Variants in APBA2 observed in about 807,000 individuals in gnomAD.
The protein encoded by APBA2 is amyloid-beta A4 precursor protein-binding family A member 2.
A neutral mutation model predicts 75.0 loss-of-function variants in APBA2; 30 were observed. The observed-to-expected ratio is 0.40, with a 90% CI of 0.30 to 0.54. The LOEUF (loss-of-function observed/expected upper bound fraction) is 0.54. APBA2 is among the 20% of genes least tolerant of loss of function. The pLI is 0.49. For missense variants in APBA2, 801 were observed against 1,016.1 expected (o/e 0.79, Z 2.88); for synonymous variants, 444 against 409.6 (o/e 1.08, Z -1.01).
chr15:29,112,792 A>C (rs2152982035), intron 13 of APBA2, among the ~76,000 whole-genome samples: 1 of 152,282 alleles, frequency 6.6e-6, no homozygotes, highest in South Asian at 2.1e-4. Flanking sequence ...AGCCATGGCC[A>C]CTGCGCTCTC....
chr15:29,048,985 C>T (rs574666393), intron 3 of APBA2, among the ~76,000 whole-genome samples: 1 of 152,014 alleles, frequency 6.6e-6, no homozygotes, highest in East Asian at 1.9e-4. Context: ...GCAGGGTGAC[C>T]AGCCATCCCA....
At chr15:29,008,667 T>G (rs1009815710) in intron 3 of APBA2, among the ~76,000 whole-genome samples, 2 of 152,120 alleles carry the variant, frequency 1.3e-5, no homozygotes, top group Admixed American at 1.3e-4. Flanking sequence ...TGTGATCATA[T>G]CACTGCATTC....
intron 4 of APBA2, among the ~76,000 whole-genome samples, chr15:29,061,798 G>GA (rs1289790778): frequency 6.6e-6 from 1 of 152,196 alleles, no homozygotes; most frequent in Non-Finnish European, 1.5e-5. Flanking sequence ...TGTGTGTTCT[G>GA]AGCCACGGCC....
At chr15:29,081,276 C>T (rs920876536) in intron 6 of APBA2, among the ~76,000 whole-genome samples, 11 of 152,084 alleles carry the variant, frequency 7.2e-5, no homozygotes, top group South Asian at 2.1e-4. Context: ...GGGGGATGGA[C>T]GGGAGGAAGG....
chr15:28,923,366 C>A (rs192628053), intron 2 of APBA2, among the ~76,000 whole-genome samples: 10 of 152,186 alleles, frequency 6.6e-5, no homozygotes, highest in African/African-American at 2.2e-4. Context: ...TGGTTGAACT[C>A]GTAGATTTCC....
chr15:29,031,565 G>T (rs1202428677), intron 3 of APBA2, among the ~76,000 whole-genome samples: 1 of 152,082 alleles, frequency 6.6e-6, no homozygotes, highest in Non-Finnish European at 1.5e-5. Flanking sequence ...TGCCTCCCCG[G>T]TTCAAGTGAT....
intron 2 of APBA2, among the ~76,000 whole-genome samples, chr15:28,939,099 A>T (rs918855757): frequency 1.3e-5 from 2 of 152,172 alleles, no homozygotes; most frequent in African/African-American, 4.8e-5. Context: ...ATGTAAGTGG[A>T]ATCGTGCAGT....
intron 1 of APBA2, among the ~76,000 whole-genome samples, chr15:28,900,696 G>A (rs191321552): frequency 3.9e-5 from 6 of 152,188 alleles, no homozygotes; most frequent in Admixed American, 2.0e-4. Context: ...TAGCCTGGGC[G>A]GCGCCCCTGT....
At chr15:29,101,237 CT>C (rs2044104945) in intron 9 of APBA2, among the ~76,000 whole-genome samples, 1 of 138,704 alleles carries the variant, frequency 7.2e-6, no homozygotes, top group Admixed American at 7.2e-5. Context: ...TTTTTCCTTT[CT>C]TTTTTTTTGA....
chr15:28,968,095 G>A (rs146417677), intron 2 of APBA2, among the ~76,000 whole-genome samples: 3 of 152,344 alleles, frequency 2.0e-5, no homozygotes, highest in African/African-American at 4.8e-5. Context: ...TTCTCGCAAC[G>A]TTGTAGTAAG....
In APBA2 at chr15:29,108,313, G is replaced by T; in HGVS notation, c.1961G>T (p.Cys654Phe). ...CAGGTGAAGCTCAACATTGTCAGCT[G>T]TCCCCCGGTCACCACGGTCCTTATC... ...QTQVKLNIVS[C>F]PPVTTVLIKR... Residue 654 changes from cysteine to phenylalanine, a missense_variant, in exon 13 of 15, where the codon TGT becomes TTT. Cys to Phe is a radical substitution (Grantham distance 205). Transcript: ENST00000683413. The T allele has an allele frequency of 4.3e-6, 7 of 1,614,040 alleles. No individual in the cohort carries two copies. Among genetic ancestry groups the T allele is most frequent in the Non-Finnish European group, 5.9e-6 (7 of 1,180,014 alleles).
chr15:29,092,320 C>T (rs900175891), intron 6 of APBA2, among the ~76,000 whole-genome samples: 2 of 152,174 alleles, frequency 1.3e-5, no homozygotes, highest in Non-Finnish European at 2.9e-5. Context: ...GCAACATGGA[C>T]AGGACTTGGG....
chr15:28,990,785 C>T (rs564894666), intron 2 of APBA2: 3 of 152,216 alleles, frequency 2.0e-5, no homozygotes, highest in Non-Finnish European at 4.4e-5. Context: ...CCCGTCAGTA[C>T]TAGACTTCAA....
chr15:29,020,177 G>A (rs2152828590), intron 3 of APBA2, among the ~76,000 whole-genome samples: 1 of 152,156 alleles, frequency 6.6e-6, no homozygotes, highest in Non-Finnish European at 1.5e-5. Flanking sequence ...GTGTTTGGGT[G>A]TGTGGGTATA....
intron 1 of APBA2, among the ~76,000 whole-genome samples, chr15:28,909,795 GA>G (rs1291457935): frequency 6.6e-6 from 1 of 152,200 alleles, no homozygotes; most frequent in African/African-American, 2.4e-5. Flanking sequence ...TATCCATCCT[GA>G]AGGCCGTGTG....
chr15:29,080,128 A>G (rs929979618), intron 6 of APBA2, among the ~76,000 whole-genome samples: 6 of 152,164 alleles, frequency 3.9e-5, no homozygotes, highest in African/African-American at 1.4e-4. Context: ...TTCATATACC[A>G]GGAATAGGTA....
chr15:29,071,548 G>C (rs949633603), intron 4 of APBA2, among the ~76,000 whole-genome samples: 2 of 149,850 alleles, frequency 1.3e-5, no homozygotes, highest in Admixed American at 1.3e-4. Context: ...AGGGGTGGCT[G>C]GCTGCTGTAC....
At chr15:28,967,757 T>A (rs1281577422) in intron 2 of APBA2, among the ~76,000 whole-genome samples, 1 of 152,200 alleles carries the variant, frequency 6.6e-6, no homozygotes, top group Non-Finnish European at 1.5e-5. Context: ...ATTTTTAAAA[T>A]GTATTTTAAT....
intron 3 of APBA2, among the ~76,000 whole-genome samples, chr15:29,022,882 A>AT (rs57230168): frequency 1.3e-5 from 2 of 151,784 alleles, no homozygotes; most frequent in South Asian, 2.1e-4. Flanking sequence ...AATGTAGTGT[A>AT]TTTTTTTCTT....
Sources: allele counts gnomAD v4.1 joint callset (sites outside exome capture counted in the v4.1 genomes callset), GRCh38; gene constraint gnomAD v4.1.1; transcripts MANE v1.5; gene names NCBI Gene and HGNC (gene_info 2026-07-23, HGNC 2026-07-21).